Variants in CNTN5 observed in about 807,000 individuals in gnomAD.
CNTN5 encodes contactin 5.
A neutral mutation model predicts 129.1 loss-of-function variants in CNTN5; 77 were observed. The observed-to-expected ratio is 0.60, with a 90% CI of 0.50 to 0.72. The LOEUF (loss-of-function observed/expected upper bound fraction) is 0.72. CNTN5 is among the 30% of genes least tolerant of loss of function. The probability of loss-of-function intolerance (pLI) is 0.00; values close to 1 mark genes in which losing one functional copy is unlikely to be tolerated. For missense variants in CNTN5, 1,478 were observed against 1,328.8 expected (o/e 1.11, Z -1.75); for synonymous variants, 509 against 465.6 (o/e 1.09, Z -1.20).
intron 9 of CNTN5, among the ~76,000 whole-genome samples, chr11:100,060,412 G>A (rs1380349419): frequency 6.6e-6 from 1 of 151,830 alleles, no homozygotes; most frequent in African/African-American, 2.4e-5. Flanking sequence ...TAACAAAACA[G>A]AAATATTACA....
chr11:99,821,585 A>G (rs1946803575), intron 4 of CNTN5, among the ~76,000 whole-genome samples: 1 of 152,124 alleles, frequency 6.6e-6, no homozygotes, highest in African/African-American at 2.4e-5. Flanking sequence ...AAGTGACCTG[A>G]ACATTACTTT....
rs1481288503 is a variant in CNTN5, at chr11:99,276,762, C to T, written c.-209-48584C>T. 2.0e-5 allele frequency among the ~76,000 whole-genome samples: 3 copies of T among 151,310 alleles called. No homozygotes were observed. The South Asian group carries it at 6.2e-4, about 31-fold the overall frequency. ...ATATATATGTATACAAATATATACACACTTTTCACAAATATTATTTAAGGG... is the reference window on the plus strand; with the variant it reads ...ATATATATGTATACAAATATATACATACTTTTCACAAATATTATTTAAGGG... On this transcript the variant is annotated intron_variant, in intron 1 of 24. Transcript: ENST00000524871.
At chr11:100,117,874 G>A (rs1362522978) in intron 13 of CNTN5, among the ~76,000 whole-genome samples, 1 of 151,758 alleles carries the variant, frequency 6.6e-6, no homozygotes, top group African/African-American at 2.4e-5. Context: ...CTCCACTACG[G>A]CATTAATGTA....
intron 2 of CNTN5, among the ~76,000 whole-genome samples, chr11:99,393,999 C>A (rs968602974): frequency 4.0e-5 from 6 of 151,644 alleles, no homozygotes; most frequent in Admixed American, 4.0e-4. Flanking sequence ...ATTCTCATTT[C>A]TATTTCTTTC....
intron 9 of CNTN5, among the ~76,000 whole-genome samples, chr11:100,044,897 A>G (rs912934684): frequency 1.8e-4 from 27 of 152,192 alleles, no homozygotes; most frequent in African/African-American, 6.5e-4. Flanking sequence ...GTTAATAAAC[A>G]TAGTGAGACT....
chr11:99,560,569 G>A (rs1434265674), intron 3 of CNTN5, among the ~76,000 whole-genome samples: 1 of 152,106 alleles, frequency 6.6e-6, no homozygotes, highest in Admixed American at 6.6e-5. Flanking sequence ...GGGATAACAG[G>A]CGTGAGCCAC....
chr11:99,032,013 G>C (rs958805080), intron 1 of CNTN5, among the ~76,000 whole-genome samples: 5 of 147,836 alleles, frequency 3.4e-5, no homozygotes, highest in African/African-American at 1.3e-4. Flanking sequence ...GAGAATATGC[G>C]GTGTTTGGTT....
At chr11:100,002,216 C>T in intron 9 of CNTN5, 80 bp downstream of exon 9, 1 of 939,214 alleles carries the variant, frequency 1.1e-6, no homozygotes, top group East Asian at 3.1e-5. Context: ...ACTTATTTTG[C>T]TAGGTGTCAT....
chr11:100,249,848 A>C (rs1420324861), intron 16 of CNTN5, among the ~76,000 whole-genome samples: 1 of 152,204 alleles, frequency 6.6e-6, no homozygotes, highest in Non-Finnish European at 1.5e-5. Flanking sequence ...CTAAATATAT[A>C]CAAGAAGCTT....
chr11:99,660,469 T>C (rs73551439), intron 3 of CNTN5, among the ~76,000 whole-genome samples: 4,059 of 152,206 alleles, frequency 0.027, 193 homozygotes, highest in African/African-American at 0.092. Flanking sequence ...AACTTAAATA[T>C]GTGCAGTTTT....
intron 1 of CNTN5, among the ~76,000 whole-genome samples, chr11:99,282,220 A>G (rs1863731795): frequency 6.6e-6 from 1 of 152,088 alleles, no homozygotes; most frequent in Admixed American, 6.6e-5. Context: ...CAAGAACATA[A>G]ACATCCACTA....
At chr11:99,937,621 G>A (rs1950344435) in intron 7 of CNTN5, among the ~76,000 whole-genome samples, 1 of 152,144 alleles carries the variant, frequency 6.6e-6, no homozygotes, top group Non-Finnish European at 1.5e-5. Flanking sequence ...ATAAGAGAAA[G>A]ACGGAAGGAG....
intron 9 of CNTN5, among the ~76,000 whole-genome samples, chr11:100,050,480 T>C (rs1316604508): frequency 7.2e-6 from 1 of 139,026 alleles, no homozygotes; most frequent in African/African-American, 2.7e-5. Context: ...TGTTGTGGGG[T>C]GGGGAGAGGG....
chr11:100,135,043 A>G (rs1396774071), intron 13 of CNTN5, among the ~76,000 whole-genome samples: 5 of 152,208 alleles, frequency 3.3e-5, no homozygotes, highest in South Asian at 4.1e-4. Context: ...TTAGGGGTTT[A>G]TTATTAAAGT....
intron 3 of CNTN5, among the ~76,000 whole-genome samples, chr11:99,656,451 G>A (rs568075826): frequency 6.6e-6 from 1 of 152,220 alleles, no homozygotes; most frequent in East Asian, 1.9e-4. Flanking sequence ...CAAAGCGCCA[G>A]GCGTAAGAGG....
intron 2 of CNTN5, among the ~76,000 whole-genome samples, chr11:99,509,593 A>G (rs1395641175): frequency 2.0e-4 from 30 of 152,290 alleles, no homozygotes; most frequent in Non-Finnish European, 5.9e-5. Context: ...ATACAACAAA[A>G]TAAGTGATTG....
chr11:99,761,709 A>C (rs1230823626), intron 3 of CNTN5, among the ~76,000 whole-genome samples: 2 of 151,150 alleles, frequency 1.3e-5, no homozygotes, highest in Non-Finnish European at 2.9e-5. Context: ...ATTGTGAATA[A>C]TGCCGCAATA....
In CNTN5 at chr11:99,721,398, A is replaced by C. The variant is rs370414536; in HGVS notation, c.56-98146A>C. 7.9e-5 allele frequency among the ~76,000 whole-genome samples: 12 copies of C among 152,326 alleles called. No individual in the cohort carries two copies. In the East Asian group the frequency reaches 1.7e-3, roughly 22 times the overall value. On this transcript the variant is annotated intron_variant, in intron 3 of 24. Coordinates refer to ENST00000524871, the MANE Select transcript of CNTN5 (RefSeq NM_014361.4). ...GCAATGGGGAAAAGACCCCCTATTG[A>C]ATAAATGGTGCTTGGATGACTGGCT...
intron 7 of CNTN5, 74 bp from the exon 8 acceptor site, chr11:99,956,732 G>A (rs1272079365): frequency 9.3e-7 from 1 of 1,071,362 alleles, no homozygotes; most frequent in African/African-American, 1.6e-5. Context: ...CTTTCTAAAG[G>A]CTTTGTTGTT....
Sources: allele counts gnomAD v4.1 joint callset (sites outside exome capture counted in the v4.1 genomes callset), GRCh38; gene constraint gnomAD v4.1.1; transcripts MANE v1.5; gene names NCBI Gene and HGNC (gene_info 2026-07-23, HGNC 2026-07-21).